LYZ: variants seen among roughly 807,000 people sequenced by gnomAD.
LYZ encodes lysozyme.
LYZ carries 18 observed loss-of-function variants against 15.8 expected under a neutral mutation model. The ratio of observed to expected loss-of-function variants is 1.14; its 90% CI spans 0.79 to 1.69. The LOEUF is 1.69. Ranked by LOEUF, LYZ falls within the 40% of genes most tolerant of loss-of-function variation. The pLI is 0.00. For missense variants in LYZ, 139 were observed against 182.8 expected (o/e 0.76, Z 1.38); for synonymous variants, 60 against 61.7 (o/e 0.97, Z 0.13).
At chr12:69,352,365 C>A in intron 3 of LYZ, 67 bp downstream of exon 3, 2 of 1,279,926 alleles carry the variant, frequency 1.6e-6, no homozygotes, top group Non-Finnish European at 2.3e-6. Context: ...TGAGAGCAGA[C>A]TTTTAAAGAC....
rs1874893915 is a variant in LYZ, at chr12:69,353,544, A to G, written c.*325A>G. ...CGCTCTGTCGCCCAGGCTGGAGTGC[A>G]GTGGCGCAATCTCGGCTCACTGCAA... On this transcript the variant is annotated 3_prime_UTR_variant, in exon 4 of 4. Transcript: ENST00000261267. 1.0e-5 allele frequency: 3 copies of G among 299,950 alleles called. No individual in the cohort carries two copies. The East Asian group carries it at 2.8e-4, about 28-fold the overall frequency. 18.6% of individuals were successfully genotyped at this position (299,950 alleles called of 1,614,324 possible). A position where few individuals can be genotyped will look rare whatever the true frequency, so the allele number is the denominator to read the frequency against.
In LYZ at chr12:69,353,387, G is replaced by T; in HGVS notation, c.*168G>T. On this transcript the variant is annotated 3_prime_UTR_variant, in exon 4 of 4. Transcript: ENST00000261267. ...TAAGAGATATAATGTTCACTAATGT[G>T]GTTATTTTACATTAAGCCTACAACA... 1 of 689,270 alleles carries T rather than the reference G, an allele frequency of 1.5e-6. No homozygotes were observed. Among genetic ancestry groups the T allele is most frequent in the South Asian group, 1.6e-5 (1 of 64,002 alleles). The allele number at this position is 689,270 out of a possible 1,614,324, so 42.7% of individuals were successfully genotyped here.
At chr12:69,350,575 G>T in intron 2 of LYZ, 7 of 322,204 alleles carry the variant, frequency 2.2e-5, no homozygotes, top group South Asian at 6.7e-5. Context: ...GGAGGTTTTG[G>T]GATAATTTAG....
rs370786680 is a variant in LYZ, at chr12:69,348,453, G to A, written c.45G>A (p.Thr15=). The A allele has an allele frequency of 1.2e-5, 20 of 1,614,018 alleles. No individual in the cohort carries two copies. Among genetic ancestry groups the A allele is most frequent in the Admixed American group, 3.3e-5 (2 of 59,990 alleles). ...IVLGLVLLSV[T]VQGKVFERCE... ...TGGGGCTTGTCCTCCTTTCTGTTACGGTCCAGGGCAAGGTCTTTGAAAGGT... is the reference window on the plus strand; with the variant it reads ...TGGGGCTTGTCCTCCTTTCTGTTACAGTCCAGGGCAAGGTCTTTGAAAGGT... Residue 15 remains threonine (T), a synonymous_variant, in exon 1 of 4, where the codon ACG becomes ACA. Coordinates refer to ENST00000261267, the MANE Select transcript of LYZ (RefSeq NM_000239.3).
At chr12:69,349,326 G>A (rs1235875657) in intron 1 of LYZ, among the ~76,000 whole-genome samples, 1 of 152,090 alleles carries the variant, frequency 6.6e-6, no homozygotes, top group Non-Finnish European at 1.5e-5. Flanking sequence ...TAACAGTGAT[G>A]TTTTTAAAGA....
In LYZ at chr12:69,353,331, C is replaced by A. The variant is rs899692090; in HGVS notation, c.*112C>A. 1 of 902,316 alleles carries A rather than the reference C, an allele frequency of 1.1e-6. No individual in the cohort carries two copies. The highest frequency in any genetic ancestry group is 1.9e-6 in the Non-Finnish European group (1 of 536,710). The allele number at this position is 902,316 out of a possible 1,614,324, so 55.9% of individuals were successfully genotyped here. On this transcript the variant is annotated 3_prime_UTR_variant, in exon 4 of 4. Coordinates refer to ENST00000261267, the MANE Select transcript of LYZ (RefSeq NM_000239.3). The stretch of plus-strand genomic sequence containing the variant: ...CCCCTTCAAACAAATAATATTTTTA[C>A]AGAAGCAGGAGCAAAATATGGCCTT...
chr12:69,353,494 G>GTTATTTTTT lies in LYZ; in HGVS notation c.*277_*278insATTTTTTTT. ...ATCAAATACATCTCCAGTACATTCCGTTCTTTTTTTTTTTGAGACAGTCTC... is the reference window on the plus strand; with the variant it reads ...ATCAAATACATCTCCAGTACATTCCGTTATTTTTTTTCTTTTTTTTTTTGAGACAGTCTC... On this transcript the variant is annotated 3_prime_UTR_variant, in exon 4 of 4. Transcript: ENST00000261267. 6 of 211,300 alleles carry GTTATTTTTT rather than the reference G, an allele frequency of 2.8e-5. No individual in the cohort carries two copies. Among genetic ancestry groups the GTTATTTTTT allele is most frequent in the Non-Finnish European group, 3.1e-5 (4 of 128,012 alleles). 13.1% of individuals were successfully genotyped at this position (211,300 alleles called of 1,614,324 possible).
chr12:69,353,437 A>G lies in LYZ; in HGVS notation c.*218A>G, dbSNP rs967718250. 11 of 605,330 alleles carry G rather than the reference A, an allele frequency of 1.8e-5. No homozygotes were observed. Among genetic ancestry groups the G allele is most frequent in the Non-Finnish European group, 3.2e-5 (11 of 340,976 alleles). The allele number at this position is 605,330 out of a possible 1,614,324, so 37.5% of individuals were successfully genotyped here. A position where few individuals can be genotyped will look rare whatever the true frequency, so the allele number is the denominator to read the frequency against. ...ATTTTTCAGTTTGCAAATAGAACTA[A>G]TACTGGTGAAAATTTACCTAAAACC... On this transcript the variant is annotated 3_prime_UTR_variant, in exon 4 of 4. Coordinates refer to ENST00000261267, the MANE Select transcript of LYZ (RefSeq NM_000239.3).
Position 69,350,130 on chromosome 12 carries a change from G to T in LYZ, c.159G>T (p.Glu53Asp), listed in dbSNP as rs753903743. ...CAGGGATGTGTTTGGCCAAATGGGA[G>T]AGTGGTTACAACACACGAGCTACAA... ...LANWMCLAKWESGYNTRATNY... is the reference protein window; with the variant it reads ...LANWMCLAKWDSGYNTRATNY... Residue 53 changes from glutamate to aspartate, a missense_variant, in exon 2 of 4, where the codon GAG becomes GAT. Physicochemically the swap from Glu to Asp is conservative, Grantham distance 45. Transcript: ENST00000261267. The T allele has an allele frequency of 6.2e-7, 1 of 1,614,094 alleles. No individual in the cohort carries two copies. The highest frequency in any genetic ancestry group is 8.5e-7 in the Non-Finnish European group (1 of 1,180,006).
At chr12:69,350,490 T>G (rs557112167) in intron 2 of LYZ, 2 of 531,764 alleles carry the variant, frequency 3.8e-6, no homozygotes, top group East Asian at 6.9e-5. Flanking sequence ...GTTTCTGGAA[T>G]GACCTATTAA....
intron 2 of LYZ, among the ~76,000 whole-genome samples, chr12:69,350,816 G>T (rs1874829431): frequency 7.7e-6 from 1 of 129,270 alleles, no homozygotes; most frequent in Admixed American, 9.6e-5. Context: ...TTTGAGACAG[G>T]GTCTCCCTGT....
intron 2 of LYZ, chr12:69,350,563 G>T: frequency 2.9e-6 from 1 of 348,266 alleles, no homozygotes; most frequent in Non-Finnish European, 5.4e-6. Context: ...TGCTTACTTT[G>T]GGGAGGTTTT....
intron 1 of LYZ, among the ~76,000 whole-genome samples, chr12:69,349,034 C>T (rs1307073840): frequency 1.3e-5 from 2 of 152,058 alleles, no homozygotes; most frequent in African/African-American, 4.8e-5. Flanking sequence ...GACAGTCTCA[C>T]TGTGTGGCCC....
chr12:69,349,614 G>T (rs776431132), intron 1 of LYZ, among the ~76,000 whole-genome samples: 31 of 152,180 alleles, frequency 2.0e-4, no homozygotes, highest in African/African-American at 5.8e-4. Context: ...TGAGTGAAGG[G>T]ATGAAATCAC....
chr12:69,348,717 A>G (rs1874778731), intron 1 of LYZ, among the ~76,000 whole-genome samples, 173 bp downstream of exon 1: 2 of 152,244 alleles, frequency 1.3e-5, no homozygotes, highest in East Asian at 3.8e-4. Flanking sequence ...GAGATACCCG[A>G]TAAAGGAATA....
chr12:69,353,799 T>C lies in LYZ; in HGVS notation c.*580T>C, dbSNP rs1194049803. ...CACTGCGCCCGGCCACATTCAGTTCTTATCAAAGAAATAACCCAGACTTAA... is the reference window on the plus strand; with the variant it reads ...CACTGCGCCCGGCCACATTCAGTTCCTATCAAAGAAATAACCCAGACTTAA... On this transcript the variant is annotated 3_prime_UTR_variant, in exon 4 of 4. Transcript: ENST00000261267. 1 of 156,320 alleles carries C rather than the reference T, an allele frequency of 6.4e-6. No homozygotes were observed. The highest frequency in any genetic ancestry group is 1.4e-5 in the Non-Finnish European group (1 of 70,546). The allele number at this position is 156,320 out of a possible 1,614,324, so 9.7% of individuals were successfully genotyped here. A position where few individuals can be genotyped will look rare whatever the true frequency, so the allele number is the denominator to read the frequency against.
chr12:69,352,921 C>T (rs1874872807), intron 3 of LYZ, among the ~76,000 whole-genome samples: 2 of 152,158 alleles, frequency 1.3e-5, no homozygotes, highest in African/African-American at 4.8e-5. Flanking sequence ...TGCTGCTGTA[C>T]AACGCACATT....
In LYZ at chr12:69,354,062, G is replaced by C. The variant is rs1874910868; in HGVS notation, c.*843G>C. The C allele has an allele frequency of 1.3e-5, 2 of 152,108 alleles. No individual in the cohort carries two copies. Among genetic ancestry groups the C allele is most frequent in the Admixed American group, 6.5e-5 (1 of 15,280 alleles). 9.4% of individuals were successfully genotyped at this position (152,108 alleles called of 1,614,324 possible). Reference sequence around the variant, plus strand: ...ATTGAGAATTTTGATTTCTTAAAGTGTGTTTCTTTCTAAATTGCTGTTCCT... The same window carrying C: ...ATTGAGAATTTTGATTTCTTAAAGTCTGTTTCTTTCTAAATTGCTGTTCCT... On this transcript the variant is annotated 3_prime_UTR_variant, in exon 4 of 4. Coordinates refer to ENST00000261267, the MANE Select transcript of LYZ (RefSeq NM_000239.3).
At chr12:69,350,302 G>A (rs745834052) in intron 2 of LYZ, 30 bp downstream of exon 2, 1 of 1,612,056 alleles carries the variant, frequency 6.2e-7, no homozygotes, top group Non-Finnish European at 8.5e-7. Context: ...GACCAATCTG[G>A]TTATACTTAC....
Sources: gnomAD v4.1 joint callset for allele counts (sites outside exome capture counted in the v4.1 genomes callset) on GRCh38, gnomAD v4.1.1 for gene constraint, MANE v1.5 for transcripts, NCBI Gene and HGNC (gene_info 2026-07-23, HGNC 2026-07-21) for gene names.